The following SV2C variants were observed in gnomAD, a reference collection of about 807,000 sequenced individuals.
SV2C encodes the protein synaptic vesicle glycoprotein 2C.
SV2C carries 49 observed loss-of-function variants against 79.7 expected under a neutral mutation model. That is an observed-to-expected ratio of 0.61 (90% CI 0.49 to 0.78). The LOEUF (loss-of-function observed/expected upper bound fraction) is 0.78. Ranked by LOEUF, SV2C falls within the 30% of genes least tolerant of loss-of-function variation. SV2C has a pLI of 0.00. For synonymous variants in SV2C, 334 were observed against 333.2 expected (o/e 1.00, Z -0.03); for missense variants, 833 against 912.9 (o/e 0.91, Z 1.13).
At chr5:76,314,623 A>C (rs1344491441) in intron 12 of SV2C, among the ~76,000 whole-genome samples, 1 of 152,152 alleles carries the variant, frequency 6.6e-6, no homozygotes, top group Non-Finnish European at 1.5e-5. Flanking sequence ...CAACTTATTT[A>C]ATTCTCATCC....
At chr5:75,937,978 A>G in the SV2C span, among the ~76,000 whole-genome samples, 9 of 151,900 alleles carry the variant, frequency 5.9e-5, no homozygotes, top group Non-Finnish European at 1.3e-4. Flanking sequence ...AATCTCATGG[A>G]TTTATCACTG....
chr5:75,945,112 C>A, the SV2C span, among the ~76,000 whole-genome samples: 1 of 152,066 alleles, frequency 6.6e-6, no homozygotes, highest in Non-Finnish European at 1.5e-5. Context: ...AACCATGCTA[C>A]ATAAAGTCAT....
intron 2 of SV2C, among the ~76,000 whole-genome samples, chr5:76,178,820 C>T (rs1743622682): frequency 6.6e-6 from 1 of 152,160 alleles, no homozygotes; most frequent in Non-Finnish European, 1.5e-5. Context: ...AAGTATGCCA[C>T]TTATACTTTC....
At chr5:76,182,918 A>T (rs980123062) in intron 2 of SV2C, among the ~76,000 whole-genome samples, 24 of 141,242 alleles carry the variant, frequency 1.7e-4, no homozygotes, top group South Asian at 1.2e-3. Context: ...TGAGAGAGAG[A>T]GTGTGTGTGT....
chr5:76,159,597 G>A (rs186667916), intron 2 of SV2C, among the ~76,000 whole-genome samples: 141 of 152,140 alleles, frequency 9.3e-4, no homozygotes, highest in African/African-American at 3.3e-3. Context: ...CTAGTGTCTG[G>A]TATTTGTTGG....
intron 1 of SV2C, chr5:76,091,616 T>C (rs192774365): frequency 3.9e-5 from 6 of 152,166 alleles, no homozygotes; most frequent in Non-Finnish European, 7.3e-5. Context: ...AGTTCCCCTC[T>C]CTAATGCAGG....
chr5:76,072,874 A>T, the SV2C span, among the ~76,000 whole-genome samples: 1 of 152,200 alleles, frequency 6.6e-6, no homozygotes. Context: ...GCATTTATCC[A>T]TATGCTTGTT....
rs570059531 is a variant in SV2C at position 76,283,188 on chromosome 5, C to T, written c.914-1974C>T. 2.6e-5 allele frequency among the ~76,000 whole-genome samples: 4 copies of T among 152,242 alleles called. No individual in the cohort carries two copies. The South Asian group carries it at 8.3e-4, about 32-fold the overall frequency. On this transcript the variant is annotated intron_variant, in intron 4 of 12. Transcript: ENST00000502798. ...ATTAGCTGGGCATGATGGTGTGCAC[C>T]TGTAGTCCTAGCTACTCGGGACTCC...
Position 76,089,911 on chromosome 5 carries a change from G to A in SV2C, c.-102+6399G>A, listed in dbSNP as rs561283498. Among the ~76,000 whole-genome samples the A allele has an allele frequency of 1.7e-4, 26 of 152,226 alleles. 1 individual carries two copies. The South Asian group carries it at 5.0e-3, about 29-fold the overall frequency. On this transcript the variant is annotated intron_variant, in intron 1 of 12. Coordinates refer to ENST00000502798, the MANE Select transcript of SV2C (RefSeq NM_014979.4). ...TAGAGACAGCATAAGGAGAATATAC[G>A]CAAAGCTCCTAGCATGTTACTTCAT...
At chr5:76,269,161 T>C (rs1261414082) in intron 4 of SV2C, among the ~76,000 whole-genome samples, 5 of 152,172 alleles carry the variant, frequency 3.3e-5, no homozygotes, top group African/African-American at 9.7e-5. Context: ...TATTATAAGA[T>C]GTTTAGTAGC....
chr5:75,941,624 G>C, the SV2C span, among the ~76,000 whole-genome samples: 2 of 152,134 alleles, frequency 1.3e-5, no homozygotes, highest in Non-Finnish European at 2.9e-5. Context: ...TACATACATT[G>C]GTTTTCATCC....
the SV2C span, among the ~76,000 whole-genome samples, chr5:75,916,947 C>T: frequency 7.2e-5 from 11 of 152,222 alleles, no homozygotes; most frequent in Admixed American, 6.5e-4. Flanking sequence ...ATACCCCAAC[C>T]TCCTCACCCC....
At chr5:76,231,996 C>A (rs1395073245) in intron 4 of SV2C, among the ~76,000 whole-genome samples, 1 of 143,958 alleles carries the variant, frequency 6.9e-6, no homozygotes, top group African/African-American at 3.0e-5. Context: ...AGTTCTAGAT[C>A]CCTGAGGAAT....
the SV2C span, among the ~76,000 whole-genome samples, chr5:75,899,364 T>C: frequency 6.6e-6 from 1 of 152,240 alleles, no homozygotes; most frequent in Non-Finnish European, 1.5e-5. Context: ...TCATTTTCCA[T>C]GTAGTTGAGT....
the SV2C span, among the ~76,000 whole-genome samples, chr5:75,864,466 A>C: frequency 1.3e-5 from 2 of 152,190 alleles, no homozygotes; most frequent in Non-Finnish European, 2.9e-5. Context: ...ATCCCCAGAG[A>C]CAGAATTTTT....
At chr5:76,099,463 G>A (rs1030391928) in intron 1 of SV2C, among the ~76,000 whole-genome samples, 4 of 151,732 alleles carry the variant, frequency 2.6e-5, no homozygotes, top group African/African-American at 9.7e-5. Context: ...TGATGACATC[G>A]TTAAATGCCT....
chr5:75,927,949 C>T, the SV2C span, among the ~76,000 whole-genome samples: 2 of 152,140 alleles, frequency 1.3e-5, no homozygotes, highest in Non-Finnish European at 2.9e-5. Context: ...TTCCCATATC[C>T]GGGGTTGAGG....
chr5:76,258,325 G>A (rs1388817367), intron 4 of SV2C, among the ~76,000 whole-genome samples: 1 of 152,190 alleles, frequency 6.6e-6, no homozygotes, highest in Admixed American at 6.5e-5. Context: ...ATGGGCAGGG[G>A]GCAACTGCCT....
chr5:76,187,121 A>G (rs1175231878), intron 2 of SV2C, among the ~76,000 whole-genome samples: 1 of 152,194 alleles, frequency 6.6e-6, no homozygotes. Flanking sequence ...AATGTTCTTG[A>G]TTCCTAAGAC....
Sources: allele counts gnomAD v4.1 joint callset (sites outside exome capture counted in the v4.1 genomes callset), GRCh38; gene constraint gnomAD v4.1.1; transcripts MANE v1.5; gene names NCBI Gene and HGNC (gene_info 2026-07-23, HGNC 2026-07-21).